CRX: variants seen among roughly 807,000 people sequenced by gnomAD.
The protein encoded by CRX is cone-rod homeobox, also known as cone-rod homeobox protein.
Under a neutral mutation model 13.1 loss-of-function variants are expected in CRX, and 5 were observed. The ratio of observed to expected loss-of-function variants is 0.38; its 90% CI spans 0.20 to 0.80. The LOEUF (loss-of-function observed/expected upper bound fraction) is 0.80. Ranked by LOEUF, CRX falls within the 30% of genes least tolerant of loss-of-function variation. CRX has a pLI of 0.43. For missense variants in CRX, 351 were observed against 391.8 expected (o/e 0.90, Z 0.88); for synonymous variants, 179 against 171.1 (o/e 1.05, Z -0.36).
chr19:47,842,319 C>A lies in CRX; in HGVS notation c.*2352C>A, dbSNP rs934726956. 1 of 152,358 alleles carries A rather than the reference C, an allele frequency of 6.6e-6. No homozygotes were observed. The highest frequency in any genetic ancestry group is 2.4e-5 in the African/African-American group (1 of 41,458). 9.4% of individuals were successfully genotyped at this position (152,358 alleles called of 1,614,324 possible). A position where few individuals can be genotyped will look rare whatever the true frequency, so the allele number is the denominator to read the frequency against. ...GGAGTGGGCCGGGTGCGGTGGCTCA[C>A]GCCTGTAATCCCAGCACTTTGGGAG... is the stretch of plus-strand genomic sequence containing the variant. On this transcript the variant is annotated 3_prime_UTR_variant, in exon 4 of 4. Transcript: ENST00000221996.
intron 1 of CRX, among the ~76,000 whole-genome samples, chr19:47,826,998 G>A (rs1967981937): frequency 1.3e-5 from 2 of 152,172 alleles, no homozygotes; most frequent in Non-Finnish European, 2.9e-5. Context: ...GGGATGGCTT[G>A]AGCATCCTCA....
chr19:47,830,722 G>A (rs1968033703), intron 1 of CRX, among the ~76,000 whole-genome samples: 1 of 151,560 alleles, frequency 6.6e-6, no homozygotes, highest in South Asian at 2.1e-4. Flanking sequence ...CTTGAACCCA[G>A]GAGGTGGAGT....
At chr19:47,826,629 G>A (rs1308243058) in intron 1 of CRX, among the ~76,000 whole-genome samples, 1 of 152,116 alleles carries the variant, frequency 6.6e-6, no homozygotes, top group Non-Finnish European at 1.5e-5. Flanking sequence ...AAACCAAAAT[G>A]TAAGCATCAT....
At chr19:47,826,032 C>T (rs8110144) in intron 1 of CRX, among the ~76,000 whole-genome samples, 5,278 of 152,246 alleles carry the variant, frequency 0.035, 321 homozygotes, top group African/African-American at 0.12. Flanking sequence ...TCAGATTTGA[C>T]GGCGAAGACA....
chr19:47,827,070 A>G (rs1967982800), intron 1 of CRX, among the ~76,000 whole-genome samples: 1 of 152,210 alleles, frequency 6.6e-6, no homozygotes, highest in African/African-American at 2.4e-5. Context: ...CATTTCTGCA[A>G]TATCCTGTTG....
chr19:47,835,334 A>G (rs950725129), intron 2 of CRX, among the ~76,000 whole-genome samples: 5 of 151,876 alleles, frequency 3.3e-5, no homozygotes, highest in African/African-American at 1.2e-4. Context: ...CTGGGATTAC[A>G]GGCATGAGCC....
chr19:47,836,260 C>A lies in CRX; in HGVS notation c.118C>A (p.Arg40=), dbSNP rs749738655. Residue 40 remains arginine (R), a synonymous_variant, in exon 3 of 4, where the codon CGG becomes AGG. Transcript: ENST00000221996. ...CACCCCAGGCGCCCCCAGGAAGCAG[C>A]GGCGGGAGCGCACCACCTTCACCCG... ...VPYPSAPRKQ[R]RERTTFTRSQ... is the part of the protein sequence containing the mutation. 6.2e-7 allele frequency: 1 copy of A among 1,614,112 alleles called. No individual in the cohort carries two copies. The highest frequency in any genetic ancestry group is 8.5e-7 in the Non-Finnish European group (1 of 1,180,006).
At position 47,840,295 on chromosome 19, in the gene CRX, T is replaced by C. The variant is rs1032385424; in HGVS notation, c.*328T>C. 3 of 350,956 alleles carry C rather than the reference T, an allele frequency of 8.5e-6. No homozygotes were observed. In the Admixed American group the frequency reaches 1.3e-4, roughly 15 times the overall value. 21.7% of individuals were successfully genotyped at this position (350,956 alleles called of 1,614,324 possible). The stretch of plus-strand genomic sequence containing the variant: ...GCTCCAAGAAGAAGTCAAACCAAAC[T>C]TGCAGTTGATTTGGGGTCATGTTTA... On this transcript the variant is annotated 3_prime_UTR_variant, in exon 4 of 4. Coordinates refer to ENST00000221996, the MANE Select transcript of CRX (RefSeq NM_000554.6).
intron 1 of CRX, among the ~76,000 whole-genome samples, chr19:47,829,628 G>T (rs917805102): frequency 2.0e-5 from 3 of 151,894 alleles, no homozygotes; most frequent in South Asian, 2.1e-4. Context: ...ACTGCACCTG[G>T]CCTATTTATT....
intron 1 of CRX, among the ~76,000 whole-genome samples, chr19:47,822,828 C>T (rs181819582): frequency 6.6e-6 from 1 of 152,290 alleles, no homozygotes; most frequent in East Asian, 1.9e-4. Flanking sequence ...GAGTCTTGCT[C>T]TGTTGCCCAA....
chr19:47,831,922 A>G (rs1968051626), intron 1 of CRX, among the ~76,000 whole-genome samples: 1 of 144,882 alleles, frequency 6.9e-6, no homozygotes, highest in Non-Finnish European at 1.5e-5. Flanking sequence ...TTTGTATTTT[A>G]GTTGAGACGT....
In CRX at chr19:47,836,315, T is replaced by G. The variant is rs756371710; in HGVS notation, c.173T>G (p.Phe58Cys). 1 of 1,614,164 alleles carries G rather than the reference T, an allele frequency of 6.2e-7. No homozygotes were observed. The highest frequency in any genetic ancestry group is 1.1e-5 in the South Asian group (1 of 91,088). ...RSQLEELEAL[F>C]AKTQYPDVYA... The stretch of plus-strand genomic sequence containing the variant: ...CAACTGGAGGAGCTGGAGGCACTGT[T>G]TGCCAAGACCCAGTACCCAGACGTC... The change falls in exon 3 of 4, where the codon TTT (phenylalanine) becomes TGT (cysteine). Residue 58 changes from phenylalanine (F) to cysteine (C), a missense_variant. Physicochemically the swap from Phe to Cys is radical, Grantham distance 205. This residue lies in a region of CRX where 95 missense variants were observed against 106.7 expected (regional missense o/e 0.89). Transcript: ENST00000221996.
Position 47,839,351 on chromosome 19 carries a change from G to GGCAGCAGCGACAGCAGCAGAAACAGCA in CRX, c.293_319dup (p.Arg98_Gln106dup), listed in dbSNP as rs1568625993. Reference sequence around the variant, plus strand: ...TTCAAGAACCGGAGGGCTAAATGCAGGCAGCAGCGACAGCAGCAGAAACAG... The same window carrying GGCAGCAGCGACAGCAGCAGAAACAGCA: ...TTCAAGAACCGGAGGGCTAAATGCAGGCAGCAGCGACAGCAGCAGAAACAGCAGCAGCAGCGACAGCAGCAGAAACAG... On this transcript the variant is annotated inframe_insertion, in exon 4 of 4. Coordinates refer to ENST00000221996, the MANE Select transcript of CRX (RefSeq NM_000554.6). The surrounding 1 kb of genome is among the most constrained non-coding windows in gnomAD (Gnocchi z 4.6). 1.2e-6 allele frequency: 2 copies of GGCAGCAGCGACAGCAGCAGAAACAGCA among 1,613,616 alleles called. No individual in the cohort carries two copies. Among genetic ancestry groups the GGCAGCAGCGACAGCAGCAGAAACAGCA allele is most frequent in the Admixed American group, 1.7e-5 (1 of 59,972 alleles).
chr19:47,835,746 C>T (rs1168551441), intron 2 of CRX, among the ~76,000 whole-genome samples: 3 of 151,598 alleles, frequency 2.0e-5, no homozygotes, highest in African/African-American at 7.3e-5. Context: ...CTCAGCCTCC[C>T]GAGTAGCTGG....
rs770311577 is a variant in CRX, at chr19:47,834,542, A to T, written c.99A>T (p.Pro33=). Residue 33 remains proline (P), a splice_region_variant and synonymous_variant, in exon 2 of 4, where the codon CCA becomes CCT. Coordinates refer to ENST00000221996, the MANE Select transcript of CRX (RefSeq NM_000554.6). The part of the protein sequence containing the change: ...VDLMHQAVPY[P]SAPRKQRRER... The stretch of plus-strand genomic sequence containing the variant: ...TGATGCACCAGGCTGTGCCCTACCC[A>T]AGTGAGTACAGTCGTTTCTCTTGGC... 6.8e-6 allele frequency: 11 copies of T among 1,613,200 alleles called. No homozygotes were observed. The South Asian group carries it at 1.2e-4, about 18-fold the overall frequency.
At chr19:47,828,205 G>A (rs913906880) in intron 1 of CRX, among the ~76,000 whole-genome samples, 2 of 151,864 alleles carry the variant, frequency 1.3e-5, no homozygotes. Flanking sequence ...CTCTAGGAAC[G>A]GAACCAAGAA....
At chr19:47,827,589 A>G (rs1467429475) in intron 1 of CRX, among the ~76,000 whole-genome samples, 1 of 123,490 alleles carries the variant, frequency 8.1e-6, no homozygotes, top group Non-Finnish European at 1.6e-5. Flanking sequence ...CCCAGGCTGG[A>G]GTGCAGTAGT....
intron 2 of CRX, among the ~76,000 whole-genome samples, chr19:47,835,231 T>A (rs922158408): frequency 3.3e-5 from 5 of 151,684 alleles, no homozygotes; most frequent in East Asian, 1.9e-4. Flanking sequence ...ATTATTATTT[T>A]TTTTTTTGTA....
chr19:47,835,891 G>A (rs1307442034), intron 2 of CRX, among the ~76,000 whole-genome samples: 1 of 152,158 alleles, frequency 6.6e-6, no homozygotes, highest in Non-Finnish European at 1.5e-5. Flanking sequence ...AAAGTGCTGG[G>A]ATTATAGGCG....
Sources: allele counts gnomAD v4.1 joint callset (sites outside exome capture counted in the v4.1 genomes callset), GRCh38; gene constraint gnomAD v4.1.1; regional missense constraint gnomAD v4.1.1; non-coding constraint Gnocchi (gnomAD v3.1); transcripts MANE v1.5; gene names NCBI Gene and HGNC (gene_info 2026-07-23, HGNC 2026-07-21).